Variants in ADAMTS10 observed in about 807,000 individuals in gnomAD.
ADAMTS10 encodes the protein A disintegrin and metalloproteinase with thrombospondin motifs 10.
A neutral mutation model predicts 135.9 loss-of-function variants in ADAMTS10; 48 were observed. The ratio of observed to expected loss-of-function variants is 0.35; its 90% CI spans 0.28 to 0.45. The LOEUF (loss-of-function observed/expected upper bound fraction) is 0.45, where lower values mean the gene tolerates loss of function less well. Ranked by LOEUF, ADAMTS10 falls within the 20% of genes least tolerant of loss-of-function variation. The pLI is 1.00. For missense variants in ADAMTS10, 1,131 were observed against 1,565.2 expected (o/e 0.72, Z 4.68); for synonymous variants, 621 against 647.5 (o/e 0.96, Z 0.62).
chr19:8,591,992 C>G lies in ADAMTS10; in HGVS notation c.1699G>C (p.Val567Leu). ...TCGCAGTGACGGCTAGAAGAGGACACGCCGCCGCCACAGGTCCGGCTGCAG... is the reference window on the plus strand; with the variant it reads ...TCGCAGTGACGGCTAGAAGAGGACAGGCCGCCGCCACAGGTCCGGCTGCAG... Reference protein sequence around the residue: ...GDCSRTCGGGVSSSSRHCDSP... With the variant: ...GDCSRTCGGGLSSSSRHCDSP... Residue 567 changes from valine to leucine, a missense_variant, in exon 14 of 26, where the codon GTG becomes CTG. Transcript: ENST00000597188. 6.2e-7 allele frequency: 1 copy of G among 1,613,222 alleles called. No individual in the cohort carries two copies. Among genetic ancestry groups the G allele is most frequent in the Non-Finnish European group, 8.5e-7 (1 of 1,179,742 alleles).
Position 8,596,901 on chromosome 19 carries a change from C to T in ADAMTS10, c.1040+86G>A, listed in dbSNP as rs2042611618. The T allele has an allele frequency of 1.9e-6, 3 of 1,591,772 alleles. No individual in the cohort carries two copies. Among genetic ancestry groups the T allele is most frequent in the Non-Finnish European group, 2.6e-6 (3 of 1,173,006 alleles). Reference sequence around the variant, plus strand: ...ACTTCTCTGCTCCTCCTGACCCTAGCAGAAGTGATCTCTGTTTGGACTCTC... The same window carrying T: ...ACTTCTCTGCTCCTCCTGACCCTAGTAGAAGTGATCTCTGTTTGGACTCTC... On this transcript the variant is annotated intron_variant, in intron 8 of 25. Transcript: ENST00000597188. This position sits in a 1 kb window ranked among gnomAD's most constrained non-coding sequence, Gnocchi z 7.2.
intron 6 of ADAMTS10, among the ~76,000 whole-genome samples, chr19:8,599,258 C>T (rs5029717): frequency 3.3e-5 from 5 of 152,106 alleles, no homozygotes; most frequent in Admixed American, 6.5e-5. Flanking sequence ...TGCAAGAATG[C>T]TGCGTGAATA....
chr19:8,587,930 CA>C (rs34536913), intron 18 of ADAMTS10, among the ~76,000 whole-genome samples: 38,195 of 90,566 alleles, frequency 0.42, 6,014 homozygotes, highest in East Asian at 0.65. Context: ...GACCCCATCT[CA>C]AAAAAAAAAA....
At chr19:8,600,727 T>C (rs1466295693) in intron 6 of ADAMTS10, among the ~76,000 whole-genome samples, 2 of 152,026 alleles carry the variant, frequency 1.3e-5, no homozygotes, top group African/African-American at 2.4e-5. Context: ...CTCCATCTCC[T>C]GACCTTGTGA....
At chr19:8,593,721 C>T (rs1568400026) in intron 12 of ADAMTS10, among the ~76,000 whole-genome samples, 1 of 152,072 alleles carries the variant, frequency 6.6e-6, no homozygotes, top group Non-Finnish European at 1.5e-5. Context: ...AGCAACCTCC[C>T]AGCGTCTTTC....
At chr19:8,603,360 T>C (rs1045818780) in intron 5 of ADAMTS10, among the ~76,000 whole-genome samples, 1 of 152,072 alleles carries the variant, frequency 6.6e-6, no homozygotes, top group East Asian at 1.9e-4. Flanking sequence ...CTGCAACCTC[T>C]GCCTCCCGGG....
chr19:8,591,771 C>T (rs782046804), intron 15 of ADAMTS10, 29 bp downstream of exon 15: 3 of 1,612,152 alleles, frequency 1.9e-6, no homozygotes, highest in East Asian at 2.2e-5. Context: ...TTCCTCCCCC[C>T]ACCCCTCAAG....
chr19:8,601,693 C>A lies in ADAMTS10; in HGVS notation c.593-548G>T, dbSNP rs1032140765. 6.6e-6 allele frequency among the ~76,000 whole-genome samples: 1 copy of A among 152,050 alleles called. No homozygotes were observed. Among genetic ancestry groups the A allele is most frequent in the Admixed American group, 6.6e-5 (1 of 15,240 alleles). ...TTGTTTTGTCTATAGGGCATCTTGGCGGTACCATCTCTTTTTTTTGTCAGT... is the reference window on the plus strand; with the variant it reads ...TTGTTTTGTCTATAGGGCATCTTGGAGGTACCATCTCTTTTTTTTGTCAGT... On this transcript the variant is annotated intron_variant, in intron 5 of 25. Coordinates refer to ENST00000597188, the MANE Select transcript of ADAMTS10 (RefSeq NM_030957.4). The surrounding 1 kb of genome is among the most constrained non-coding windows in gnomAD (Gnocchi z 4.6).
chr19:8,609,076 G>C (rs1205846962), intron 1 of ADAMTS10, among the ~76,000 whole-genome samples: 3 of 151,784 alleles, frequency 2.0e-5, no homozygotes, highest in Non-Finnish European at 4.4e-5. Context: ...CAGGGACAGA[G>C]ACGGTGGTGG....
At chr19:8,584,686 A>G (rs545426044) in intron 25 of ADAMTS10, among the ~76,000 whole-genome samples, 116 of 152,314 alleles carry the variant, frequency 7.6e-4, no homozygotes, top group African/African-American at 2.7e-3. Context: ...TTGGGTGCAC[A>G]GAAGGGTCAG....
At chr19:8,585,087 C>A (rs781996898) in intron 24 of ADAMTS10, 33 bp from the exon 25 acceptor site, 299 of 1,501,094 alleles carry the variant, frequency 2.0e-4, no homozygotes, top group Non-Finnish European at 2.5e-4. Context: ...TGCTGCCCCG[C>A]AGCCCCTGCC....
At chr19:8,589,147 G>A (rs1364171452) in intron 18 of ADAMTS10, 95 bp downstream of exon 18, 1 of 1,589,778 alleles carries the variant, frequency 6.3e-7, no homozygotes, top group African/African-American at 1.3e-5. Flanking sequence ...TGGGGTCTGA[G>A]GAGTTAGTGA....
chr19:8,609,972 C>T (rs938064896), intron 1 of ADAMTS10, among the ~76,000 whole-genome samples: 2 of 151,964 alleles, frequency 1.3e-5, no homozygotes, highest in South Asian at 4.2e-4. Context: ...AACACACACT[C>T]ATTTACACGC....
At chr19:8,591,716 A>T (rs546283247) in intron 15 of ADAMTS10, 84 bp downstream of exon 15, 1 of 1,531,522 alleles carries the variant, frequency 6.5e-7, no homozygotes, top group South Asian at 1.1e-5. Flanking sequence ...TTGGGATTAC[A>T]GGCGTGAGCC....
Position 8,605,311 on chromosome 19 carries a change from G to A in ADAMTS10, c.136C>T (p.Arg46Cys), listed in dbSNP as rs781975997. The A allele has an allele frequency of 8.7e-6, 14 of 1,610,596 alleles. No individual in the cohort carries two copies. The highest frequency in any genetic ancestry group is 1.3e-5 in the African/African-American group (1 of 74,888). The change falls in exon 4 of 26, where the codon CGC becomes TGC. Residue 46 changes from arginine to cysteine, a missense_variant. This residue lies in a region of ADAMTS10 where 306 missense variants were observed against 344.4 expected (regional missense o/e 0.89). Transcript: ENST00000597188. The surrounding 1 kb of genome is among the most constrained non-coding windows in gnomAD (Gnocchi z 7.7). ...LESYEIAFPT[R>C]VDHNGALLAF... ...AGCAGTGCCCCGTTGTGGTCCACGC[G>A]GGTGGGGAAGGCGATCTCATAGCTC...
Position 8,589,530 on chromosome 19 carries a change from C to T in ADAMTS10, c.1956G>A (p.Thr652=), listed in dbSNP as rs148493665. Residue 652 remains threonine (T), a synonymous_variant, in exon 17 of 26, where the codon ACG becomes ACA. Coordinates refer to ENST00000597188, the MANE Select transcript of ADAMTS10 (RefSeq NM_030957.4). ...TCLAEGFNFY[T]ERAAAVVDGT... ...CGTCCACCACGGCTGCCGCCCTCTC[C>T]GTGTAGAAGTTGAAGCCTTCCGCTA... The T allele has an allele frequency of 1.8e-4, 286 of 1,613,410 alleles. No homozygotes were observed. Among genetic ancestry groups the T allele is most frequent in the Non-Finnish European group, 2.3e-4 (270 of 1,179,988 alleles).
intron 12 of ADAMTS10, 164 bp from the exon 13 acceptor site, chr19:8,593,034 G>A: frequency 1.5e-6 from 1 of 682,906 alleles, no homozygotes; most frequent in Non-Finnish European, 2.6e-6. Context: ...TCCCCTTGCG[G>A]GGCATGGCCT....
At chr19:8,581,860 CA>C (rs71286209) in intron 25 of ADAMTS10, among the ~76,000 whole-genome samples, 12,890 of 127,446 alleles carry the variant, frequency 0.1, 631 homozygotes, top group Admixed American at 0.17. Context: ...AACAAAAAAA[CA>C]AAAAAAAAAA....
Position 8,601,191 on chromosome 19 carries a change from C to T in ADAMTS10, c.593-46G>A, listed in dbSNP as rs375199066. 233 of 1,592,610 alleles carry T rather than the reference C, an allele frequency of 1.5e-4. No individual in the cohort carries two copies. Among genetic ancestry groups the T allele is most frequent in the South Asian group, 1.4e-3 (123 of 89,776 alleles). On this transcript the variant is annotated intron_variant, in intron 5 of 25. Coordinates refer to ENST00000597188, the MANE Select transcript of ADAMTS10 (RefSeq NM_030957.4). This position sits in a 1 kb window ranked among gnomAD's most constrained non-coding sequence, Gnocchi z 4.6. Reference sequence around the variant, plus strand: ...ATTAAGCCCTGCCCTGCTGGTGGGACGCAGAGCTGCCTGACAACTGTCTTG... The same window carrying T: ...ATTAAGCCCTGCCCTGCTGGTGGGATGCAGAGCTGCCTGACAACTGTCTTG...
Sources: gnomAD v4.1 joint callset for allele counts (sites outside exome capture counted in the v4.1 genomes callset) on GRCh38, gnomAD v4.1.1 for gene constraint, gnomAD v4.1.1 regional missense constraint, Gnocchi (gnomAD v3.1) non-coding constraint, MANE v1.5 for transcripts, NCBI Gene and HGNC (gene_info 2026-07-23, HGNC 2026-07-21) for gene names.